The following DRC5 variants were observed in gnomAD, a reference collection of about 807,000 sequenced individuals.
The protein encoded by DRC5 is T-complex-associated testis-expressed protein 1.
At chr6:44,285,836 TA>T in the DRC5 span, 2 of 919,288 alleles carry the variant, frequency 2.2e-6, no homozygotes, top group South Asian at 1.7e-5. Context: ...CAGGGTGCAT[TA>T]AAAAACACTT....
the DRC5 span, among the ~76,000 whole-genome samples, chr6:44,291,417 C>A: frequency 1.8e-4 from 28 of 152,168 alleles, no homozygotes; most frequent in Non-Finnish European, 3.8e-4. Flanking sequence ...AAAAGGATAA[C>A]GAGCAAAACT....
the DRC5 span, chr6:44,282,651 T>G: frequency 8.7e-7 from 1 of 1,145,758 alleles, no homozygotes; most frequent in Non-Finnish European, 1.2e-6. Context: ...CACCTAGTGT[T>G]GGCCACCTGG....
At chr6:44,280,002 C>T in the DRC5 span, 4 of 592,936 alleles carry the variant, frequency 6.7e-6, no homozygotes, top group Middle Eastern at 7.8e-4. Flanking sequence ...ACCCTTTCTT[C>T]CCCCATGCCA....
At chr6:44,295,003 A>G in the DRC5 span, among the ~76,000 whole-genome samples, 81 of 152,244 alleles carry the variant, frequency 5.3e-4, no homozygotes, top group Middle Eastern at 6.8e-3. Flanking sequence ...GTGGATACCC[A>G]ATAGCTGGGG....
chr6:44,279,748 G>GGT, the DRC5 span: 10,221 of 135,174 alleles, frequency 0.076, 371 homozygotes, highest in East Asian at 0.15. Context: ...GTAGCCAGAG[G>GGT]GTGTGTGTGT....
At chr6:44,289,919 G>A in the DRC5 span, among the ~76,000 whole-genome samples, 1 of 152,178 alleles carries the variant, frequency 6.6e-6, no homozygotes, top group Non-Finnish European at 1.5e-5. Context: ...AGTGGCCGGT[G>A]GGAGGGAACA....
At chr6:44,295,879 G>A in the DRC5 span, among the ~76,000 whole-genome samples, 2 of 152,138 alleles carry the variant, frequency 1.3e-5, no homozygotes, top group African/African-American at 4.8e-5. Flanking sequence ...CTATTTCATA[G>A]GATTACTCAG....
At chr6:44,289,702 G>A in the DRC5 span, among the ~76,000 whole-genome samples, 5 of 152,354 alleles carry the variant, frequency 3.3e-5, no homozygotes, top group South Asian at 1.0e-3. Context: ...CGTGGGAGGC[G>A]AGAAGACAGC....
chr6:44,279,232 C>T, the DRC5 span: 1 of 152,182 alleles, frequency 6.6e-6, no homozygotes, highest in East Asian at 1.9e-4. Flanking sequence ...CCAGGGTGGA[C>T]AGCTACAGAG....
the DRC5 span, among the ~76,000 whole-genome samples, chr6:44,296,235 G>A: frequency 6.6e-6 from 1 of 152,206 alleles, no homozygotes; most frequent in African/African-American, 2.4e-5. Flanking sequence ...CACTTTTCCA[G>A]TGGGTCTCCC....
chr6:44,296,693 G>A, the DRC5 span, among the ~76,000 whole-genome samples: 3 of 152,134 alleles, frequency 2.0e-5, no homozygotes, highest in East Asian at 3.9e-4. Flanking sequence ...GCGCCTCTGT[G>A]CCCGGGACAC....
chr6:44,288,910 G>A, the DRC5 span, among the ~76,000 whole-genome samples: 1 of 123,904 alleles, frequency 8.1e-6, no homozygotes, highest in South Asian at 2.8e-4. Flanking sequence ...ATGACAATCA[G>A]TTAAACCTGG....
At chr6:44,286,021 G>C in the DRC5 span, 1 of 1,614,116 alleles carries the variant, frequency 6.2e-7, no homozygotes. Context: ...CACGGTAGGT[G>C]AAGAGGAAGA....
the DRC5 span, among the ~76,000 whole-genome samples, chr6:44,283,164 T>C: frequency 6.6e-6 from 1 of 152,162 alleles, no homozygotes; most frequent in Non-Finnish European, 1.5e-5. Flanking sequence ...GAGAAAGTTC[T>C]CTCCATTTTA....
the DRC5 span, chr6:44,286,026 G>A: frequency 6.2e-7 from 1 of 1,614,066 alleles, no homozygotes; most frequent in East Asian, 2.2e-5. Flanking sequence ...TAGGTGAAGA[G>A]GAAGAGATTC....
chr6:44,287,281 T>C, the DRC5 span: 1 of 977,132 alleles, frequency 1.0e-6, no homozygotes. Context: ...TGGGTTTTGC[T>C]GGAGAGAGTA....
the DRC5 span, chr6:44,278,786 G>T: frequency 6.6e-6 from 1 of 152,078 alleles, no homozygotes; most frequent in South Asian, 2.1e-4. Flanking sequence ...ATGAAAACCA[G>T]AAAATTAATT....
chr6:44,280,165 T>A, the DRC5 span: 1 of 1,608,986 alleles, frequency 6.2e-7, no homozygotes, highest in South Asian at 1.1e-5. Flanking sequence ...GGGGCCATGA[T>A]CCAAGTCAGG....
chr6:44,287,243 TGGA>T, the DRC5 span: 2 of 985,138 alleles, frequency 2.0e-6, no homozygotes, highest in South Asian at 9.4e-5. Context: ...GAAGGCTTTC[TGGA>T]GGAGGAAGTA....
Sources: gnomAD v4.1 joint callset for allele counts (sites outside exome capture counted in the v4.1 genomes callset) on GRCh38, gnomAD v4.1.1 for gene constraint, MANE v1.5 for transcripts, NCBI Gene and HGNC (gene_info 2026-07-23, HGNC 2026-07-21) for gene names.